MOBP: variants seen among roughly 807,000 people sequenced by gnomAD.
MOBP encodes the protein myelin associated oligodendrocyte basic protein, also known as myelin-associated oligodendrocyte basic protein.
In MOBP, 5 loss-of-function variants were observed where a neutral mutation model predicts 15.0. The observed-to-expected ratio is 0.33, with a 90% CI of 0.17 to 0.70. The LOEUF (loss-of-function observed/expected upper bound fraction) is 0.70, where lower values mean the gene tolerates loss of function less well. Among genes scored for constraint, MOBP ranks in the 30% least tolerant of loss-of-function variants. The probability of loss-of-function intolerance (pLI) is 0.67; values close to 1 mark genes in which losing one functional copy is unlikely to be tolerated. For synonymous variants in MOBP, 88 were observed against 99.0 expected (o/e 0.89, Z 0.66); for missense variants, 188 against 257.8 (o/e 0.73, Z 1.85).
Position 39,502,954 on chromosome 3 carries a change from C to A in MOBP, c.*74C>A. ...CCTGTGTTTACTAACACCGGGCTGT[C>A]TCCATGGCCCTCTTCAGCCTTATTA... On this transcript the variant is annotated 3_prime_UTR_variant, in exon 4 of 4. Transcript: ENST00000684792. This position sits in a 1 kb window ranked among gnomAD's most constrained non-coding sequence, Gnocchi z 6.3. The A allele has an allele frequency of 1.5e-6, 1 of 689,052 alleles. No homozygotes were observed. Among genetic ancestry groups the A allele is most frequent in the African/African-American group, 1.8e-5 (1 of 55,470 alleles). 42.7% of individuals were successfully genotyped at this position (689,052 alleles called of 1,614,324 possible).
intron 2 of MOBP, among the ~76,000 whole-genome samples, chr3:39,484,183 T>G (rs896769568): frequency 6.6e-6 from 1 of 152,182 alleles, no homozygotes; most frequent in African/African-American, 2.4e-5. Flanking sequence ...TCAGCTGGGT[T>G]GTTAAGGATG....
At chr3:39,484,486 G>T (rs2042672986) in intron 2 of MOBP, among the ~76,000 whole-genome samples, 1 of 152,108 alleles carries the variant, frequency 6.6e-6, no homozygotes, top group South Asian at 2.1e-4. Context: ...TAGAGTCAGG[G>T]CCAGCCAGCA....
intron 2 of MOBP, among the ~76,000 whole-genome samples, chr3:39,495,003 C>T (rs933229633): frequency 2.0e-5 from 3 of 152,132 alleles, no homozygotes; most frequent in Non-Finnish European, 4.4e-5. Context: ...TTTTGCTCCA[C>T]CACCTCACAG....
At chr3:39,499,777 G>T in intron 2 of MOBP, 1 of 312,678 alleles carries the variant, frequency 3.2e-6, no homozygotes, top group East Asian at 8.8e-5. Flanking sequence ...CTCATTGCCT[G>T]TGTCCTGGCT....
At chr3:39,521,756 G>C (rs1247445116) in intron 3 of MOBP, among the ~76,000 whole-genome samples, 4 of 152,208 alleles carry the variant, frequency 2.6e-5, no homozygotes, top group Non-Finnish European at 4.4e-5. Context: ...AAAGCAGAGT[G>C]TCCGAACCAT....
intron 2 of MOBP, among the ~76,000 whole-genome samples, chr3:39,486,413 T>C (rs1033594303): frequency 2.0e-5 from 3 of 152,160 alleles, no homozygotes; most frequent in Non-Finnish European, 4.4e-5. Context: ...TTTAGGGTAG[T>C]CCATCCATTT....
At chr3:39,489,694 C>CCCCA (rs10662377) in intron 2 of MOBP, among the ~76,000 whole-genome samples, 1 of 150,772 alleles carries the variant, frequency 6.6e-6, no homozygotes, top group Non-Finnish European at 1.5e-5. Flanking sequence ...GTTCCCCGCC[C>CCCCA]AGCTCCTGTC....
chr3:39,468,127 A>G (rs2042370081), intron 1 of MOBP, among the ~76,000 whole-genome samples: 1 of 151,798 alleles, frequency 6.6e-6, no homozygotes, highest in Non-Finnish European at 1.5e-5. Flanking sequence ...GTCATGATTT[A>G]AAAATGAGTT....
chr3:39,519,685 G>A (rs879183153), downstream of MOBP, among the ~76,000 whole-genome samples: 1 of 152,014 alleles, frequency 6.6e-6, no homozygotes, highest in Admixed American at 6.5e-5. Context: ...GCTTTCAGCT[G>A]TCTAGTATAT....
downstream of MOBP, among the ~76,000 whole-genome samples, chr3:39,504,250 T>C (rs77416497): frequency 0.01 from 1,568 of 152,298 alleles, 18 homozygotes; most frequent in Non-Finnish European, 0.017. Context: ...AGTAGAAGGG[T>C]CCTAGGACAG....
chr3:39,499,814 C>A (rs962442632), intron 2 of MOBP: 19 of 336,156 alleles, frequency 5.7e-5, no homozygotes, highest in Non-Finnish European at 9.3e-5. Flanking sequence ...TTCTGCAATG[C>A]AGATAGGATG....
At chr3:39,501,199 T>A (rs1271127700) in intron 2 of MOBP, among the ~76,000 whole-genome samples, 2 of 152,250 alleles carry the variant, frequency 1.3e-5, no homozygotes, top group Non-Finnish European at 2.9e-5. Flanking sequence ...TTGGCCAACA[T>A]AACAGTGTTT....
intron 2 of MOBP, among the ~76,000 whole-genome samples, chr3:39,499,244 A>G (rs1424901559): frequency 1.3e-5 from 2 of 152,140 alleles, no homozygotes; most frequent in Admixed American, 6.5e-5. Context: ...TTCGCGACCT[A>G]TGTAGGACTT....
At chr3:39,480,383 C>T (rs1167212506) in intron 2 of MOBP, among the ~76,000 whole-genome samples, 1 of 152,140 alleles carries the variant, frequency 6.6e-6, no homozygotes, top group Non-Finnish European at 1.5e-5. Context: ...CTTGGCAAAC[C>T]CACATATCAT....
chr3:39,469,139 TATAC>T (rs1327743349), intron 1 of MOBP, among the ~76,000 whole-genome samples: 2 of 92,198 alleles, frequency 2.2e-5, no homozygotes, highest in East Asian at 4.9e-4. Context: ...TGTGTGTGTA[TATAC>T]ATATATACAT....
chr3:39,496,380 C>T (rs771580437), intron 2 of MOBP, among the ~76,000 whole-genome samples: 1 of 150,284 alleles, frequency 6.7e-6, no homozygotes, highest in Non-Finnish European at 1.5e-5. Context: ...TTTGTATTTT[C>T]AGTAGAGACG....
chr3:39,502,842 C>T lies in MOBP; in HGVS notation c.514C>T (p.Arg172Cys). The T allele has an allele frequency of 2.0e-5, 30 of 1,485,392 alleles. No homozygotes were observed. The highest frequency in any genetic ancestry group is 1.7e-4 in the Middle Eastern group (1 of 5,808). 92.0% of individuals were successfully genotyped at this position (1,485,392 alleles called of 1,614,324 possible). ...SSPLRGPGAS[R>C]GGSPVKASRF... ...CCCCCTCAGAGGGCCAGGCGCCAGC[C>T]GTGGGGGGTCCCCCGTCAAAGCTTC... Residue 172 changes from arginine to cysteine, a missense_variant, in exon 4 of 4, where the codon CGT becomes TGT. By Grantham distance (180) the Arg-to-Cys change is radical. Coordinates refer to ENST00000684792, the MANE Select transcript of MOBP (RefSeq NM_001393704.1). This position sits in a 1 kb window ranked among gnomAD's most constrained non-coding sequence, Gnocchi z 6.3.
chr3:39,509,595 T>A (rs576235366), intron 4 of MOBP, among the ~76,000 whole-genome samples: 2 of 152,274 alleles, frequency 1.3e-5, no homozygotes, highest in South Asian at 4.1e-4. Flanking sequence ...TCTAAAAATA[T>A]TCTAGATACA....
chr3:39,496,258 G>C (rs189885452), intron 2 of MOBP, among the ~76,000 whole-genome samples: 2 of 148,544 alleles, frequency 1.3e-5, no homozygotes, highest in Non-Finnish European at 3.0e-5. Flanking sequence ...GAGTGCAGTG[G>C]CCCGATCTCG....
Sources: gnomAD v4.1 joint callset for allele counts (sites outside exome capture counted in the v4.1 genomes callset) on GRCh38, gnomAD v4.1.1 for gene constraint, Gnocchi (gnomAD v3.1) non-coding constraint, MANE v1.5 for transcripts, NCBI Gene and HGNC (gene_info 2026-07-23, HGNC 2026-07-21) for gene names.